The following DIP2C variants were observed in gnomAD, a reference collection of about 807,000 sequenced individuals.
The protein encoded by DIP2C is DIP2 acetate--CoA ligase C (putative), also known as disco-interacting protein 2 homolog C.
In DIP2C, 33 loss-of-function variants were observed where a neutral mutation model predicts 192.4. The observed-to-expected ratio is 0.17, with a 90% confidence interval of 0.13 to 0.23. The LOEUF (loss-of-function observed/expected upper bound fraction) is 0.23. Ranked by LOEUF, DIP2C falls within the 10% of genes least tolerant of loss-of-function variation. The pLI, the probability that DIP2C is intolerant of heterozygous loss-of-function variation, is 1.00. For missense variants in DIP2C, 1,537 were observed against 2,110.1 expected, an observed-to-expected ratio of 0.73 and a Z score of 5.32; for synonymous variants, 979 against 864.1, an observed-to-expected ratio of 1.13 and a Z score of -2.33.
intron 16 of DIP2C, among the ~76,000 whole-genome samples, chr10:383,293 T>A (rs999904729): frequency 6.6e-5 from 10 of 152,266 alleles, no homozygotes. Context: ...TGTTTATGAG[T>A]CTGCTTTTGT....
intron 4 of DIP2C, among the ~76,000 whole-genome samples, chr10:432,941 C>T (rs1453733423): frequency 6.6e-6 from 1 of 151,916 alleles, no homozygotes; most frequent in African/African-American, 2.4e-5. Context: ...ATTTTCCAGT[C>T]ATCTATTATT....
intron 14 of DIP2C, among the ~76,000 whole-genome samples, chr10:387,399 G>C (rs1963044900): frequency 6.6e-6 from 1 of 152,196 alleles, no homozygotes; most frequent in Non-Finnish European, 1.5e-5. Flanking sequence ...GTGAAACGTA[G>C]GCAAATCTAG....
In DIP2C at chr10:363,772, A is replaced by G. The variant is rs79400268; in HGVS notation, c.2478-461T>C. ...CAGCACAGCACAGTCACCTCCAGTA[A>G]AAGAGATTGTAGCTGTAAAGATAAT... On this transcript the variant is annotated intron_variant, in intron 20 of 36. Transcript: ENST00000280886. The surrounding 1 kb of genome is among the most constrained non-coding windows in gnomAD (Gnocchi z 5.4). 5.9e-5 allele frequency among the ~76,000 whole-genome samples: 9 copies of G among 152,322 alleles called. No individual in the cohort carries two copies. The East Asian group carries it at 1.7e-3, about 29-fold the overall frequency.
At chr10:437,663 C>T (rs1967378360) in intron 4 of DIP2C, 1 of 151,916 alleles carries the variant, frequency 6.6e-6, no homozygotes, top group Non-Finnish European at 1.5e-5. Flanking sequence ...TGATTTGGGT[C>T]CCTGTTATCT....
At chr10:578,445 C>T (rs1405497078) in intron 1 of DIP2C, among the ~76,000 whole-genome samples, 3 of 152,188 alleles carry the variant, frequency 2.0e-5, no homozygotes, top group African/African-American at 7.2e-5. Context: ...CTGAAATCAC[C>T]AAGTCCCTGT....
At chr10:320,882 T>G (rs1956974837) in intron 31 of DIP2C, among the ~76,000 whole-genome samples, 1 of 152,140 alleles carries the variant, frequency 6.6e-6, no homozygotes, top group Non-Finnish European at 1.5e-5. Context: ...AGGAACAAAG[T>G]ACACTGGCAA....
chr10:355,315 G>A (rs190782966), intron 24 of DIP2C, among the ~76,000 whole-genome samples: 1 of 152,348 alleles, frequency 6.6e-6, no homozygotes, highest in East Asian at 1.9e-4. Context: ...CAGAGGAGGA[G>A]GAGAGGTTGT....
At chr10:580,731 AT>A (rs939691149) in intron 1 of DIP2C, among the ~76,000 whole-genome samples, 2 of 151,800 alleles carry the variant, frequency 1.3e-5, no homozygotes, top group South Asian at 2.1e-4. Context: ...GTTCCACATA[AT>A]TTTTTTTTCC....
chr10:317,880 T>A (rs1049082441), intron 31 of DIP2C, among the ~76,000 whole-genome samples: 1 of 152,268 alleles, frequency 6.6e-6, no homozygotes, highest in African/African-American at 2.4e-5. Flanking sequence ...CTTTTCTCTC[T>A]CTTCATCCCT....
At chr10:334,311 A>AAAG (rs1446884688) in intron 29 of DIP2C, among the ~76,000 whole-genome samples, 13 of 151,064 alleles carry the variant, frequency 8.6e-5, no homozygotes, top group Non-Finnish European at 3.0e-5. Context: ...TCTCAAAAAA[A>AAAG]AAAAAAAAAA....
chr10:586,048 T>A (rs1851002581), intron 1 of DIP2C, among the ~76,000 whole-genome samples: 1 of 152,088 alleles, frequency 6.6e-6, no homozygotes, highest in Non-Finnish European at 1.5e-5. Context: ...CAGAAACGGC[T>A]CAACTCTAAG....
chr10:526,711 C>T (rs1481172421), intron 1 of DIP2C, among the ~76,000 whole-genome samples: 1 of 152,180 alleles, frequency 6.6e-6, no homozygotes, highest in African/African-American at 2.4e-5. Flanking sequence ...TTTAACTGCG[C>T]CTATGTGGAA....
chr10:579,993 CTA>C (rs944374303), intron 1 of DIP2C, among the ~76,000 whole-genome samples: 13 of 151,824 alleles, frequency 8.6e-5, no homozygotes, highest in African/African-American at 2.7e-4. Context: ...TACAGGTACA[CTA>C]TAACATGTAT....
chr10:570,988 A>AGCCC (rs1411359840), intron 1 of DIP2C, among the ~76,000 whole-genome samples: 111 of 152,306 alleles, frequency 7.3e-4, no homozygotes, highest in African/African-American at 2.5e-3. Context: ...CGGCAGCAAG[A>AGCCC]GCCCCGCAGG....
chr10:390,402 AAT>A, intron 11 of DIP2C, 29 bp from the exon 12 acceptor site: 1 of 1,599,620 alleles, frequency 6.3e-7, no homozygotes, highest in Non-Finnish European at 8.6e-7. Context: ...GTTCCTTTTA[AAT>A]GTTACTCTGA....
intron 19 of DIP2C, among the ~76,000 whole-genome samples, chr10:365,893 G>A (rs1960130559): frequency 6.6e-6 from 1 of 152,352 alleles, no homozygotes; most frequent in African/African-American, 2.4e-5. Context: ...CCCAGGCGAG[G>A]GTTCGTACCT....
chr10:454,270 AAG>A (rs1365892537), intron 3 of DIP2C, among the ~76,000 whole-genome samples: 5 of 151,882 alleles, frequency 3.3e-5, no homozygotes, highest in African/African-American at 1.2e-4. Context: ...ATTGCTAGTG[AAG>A]AGTTTGTTGG....
Position 490,412 on chromosome 10 carries a change from G to A in DIP2C, c.86-3882C>T, listed in dbSNP as rs150843016. ...CCATCACGTGTCTGTTATCCCGCTA[G>A]GCGTATCCACTGCTCACAGCCTGCT... is the stretch of plus-strand genomic sequence containing the variant. On this transcript the variant is annotated intron_variant, in intron 1 of 36. Coordinates refer to ENST00000280886, the MANE Select transcript of DIP2C (RefSeq NM_014974.3). 1.9e-3 allele frequency among the ~76,000 whole-genome samples: 293 copies of A among 152,326 alleles called. 2 individuals are homozygous for A. The highest frequency in any genetic ancestry group is 6.8e-3 in the African/African-American group (283 of 41,580).
intron 34 of DIP2C, 66 bp from the exon 35 acceptor site, chr10:283,512 C>A: frequency 6.4e-7 from 1 of 1,567,970 alleles, no homozygotes; most frequent in Non-Finnish European, 8.7e-7. Context: ...GAGACTACAA[C>A]TACTTTGACA....
Sources: gnomAD v4.1 joint callset for allele counts (sites outside exome capture counted in the v4.1 genomes callset) on GRCh38, gnomAD v4.1.1 for gene constraint, Gnocchi (gnomAD v3.1) non-coding constraint, MANE v1.5 for transcripts, NCBI Gene and HGNC (gene_info 2026-07-23, HGNC 2026-07-21) for gene names.